The following MADD variants were observed in gnomAD, a reference collection of about 807,000 sequenced individuals.
MADD encodes MAP kinase activating death domain.
Under a neutral mutation model 176.7 loss-of-function variants are expected in MADD, and 109 were observed. That is an observed-to-expected ratio of 0.62 (90% confidence interval 0.53 to 0.72). MADD has a LOEUF of 0.72. Ranked by LOEUF, MADD falls within the 30% of genes least tolerant of loss-of-function variation. The pLI is 0.00. For missense variants in MADD, 1,914 were observed against 2,045.5 expected (o/e 0.94, Z 1.24); for synonymous variants, 771 against 771.3 (o/e 1.00, Z 0.01).
intron 1 of MADD, among the ~76,000 whole-genome samples, chr11:47,273,619 AG>A (rs1410135457): frequency 4.7e-5 from 6 of 127,316 alleles, no homozygotes; most frequent in Non-Finnish European, 1.1e-4. Context: ...TACAGGCGTG[AG>A]CCACCATGCC....
At position 47,284,168 on chromosome 11, in the gene MADD, C is replaced by T; in HGVS notation, c.1863-10C>T. 6.3e-7 allele frequency: 1 copy of T among 1,591,964 alleles called. No individual in the cohort carries two copies. Among genetic ancestry groups the T allele is most frequent in the South Asian group, 1.1e-5 (1 of 90,554 alleles). On this transcript the variant is annotated splice_polypyrimidine_tract_variant and intron_variant, in intron 10 of 32. Transcript: ENST00000402192. ...TGTTTTGTTTGTTTTTTATGCACTT[C>T]ACTCTGCAGTGGCAGTGATAGTATG...
At chr11:47,288,897 A>C (rs1283242644) in intron 15 of MADD, 71 bp from the exon 16 acceptor site, 6 of 1,084,178 alleles carry the variant, frequency 5.5e-6, no homozygotes, top group Non-Finnish European at 8.2e-6. Context: ...TATCTGGCTT[A>C]CTGCTCCTCG....
At chr11:47,329,286 T>G in exon 33 of MADD, 1 of 703,102 alleles carries the variant, frequency 1.4e-6, no homozygotes, top group Non-Finnish European at 2.5e-6. Context: ...TGTGGCTTGG[T>G]TGGTTACCGG....
rs1283468304 is a variant in MADD, at chr11:47,281,851, T to TTTTTTTTTTTA, written c.1469+107_1469+108insTATTTTTTTTT. On this transcript the variant is annotated intron_variant, in intron 8 of 32. Transcript: ENST00000402192. ...GACTATTTCTCTGAACCAGGGTTCC[T>TTTTTTTTTTTA]TTTTTTTTTGAGATAGATTCTCACT... is the stretch of plus-strand genomic sequence containing the variant. 6 of 555,704 alleles carry TTTTTTTTTTTA rather than the reference T, an allele frequency of 1.1e-5. No homozygotes were observed. The East Asian group carries it at 1.6e-4, about 15-fold the overall frequency. The allele number at this position is 555,704 out of a possible 1,614,324, so 34.4% of individuals were successfully genotyped here. A position where few individuals can be genotyped will look rare whatever the true frequency, so the allele number is the denominator to read the frequency against.
At chr11:47,286,096 G>C (rs1565352078) in intron 14 of MADD, among the ~76,000 whole-genome samples, 1 of 152,222 alleles carries the variant, frequency 6.6e-6, no homozygotes. Flanking sequence ...GTGATTGTGA[G>C]TTTCTTCAGC....
chr11:47,290,841 G>T, intron 19 of MADD, 25 bp downstream of exon 20: 1 of 1,566,310 alleles, frequency 6.4e-7, no homozygotes, highest in South Asian at 1.1e-5. Context: ...GTTTGGTGTG[G>T]TGGAGGGGTC....
At chr11:47,283,553 A>T (rs2058563510) in intron 10 of MADD, among the ~76,000 whole-genome samples, 1 of 151,730 alleles carries the variant, frequency 6.6e-6, no homozygotes, top group Non-Finnish European at 1.5e-5. Flanking sequence ...AGGTGCTGCC[A>T]CCTTGCCTGG....
chr11:47,328,272 C>G, intron 31 of MADD: 1 of 1,138,190 alleles, frequency 8.8e-7, no homozygotes, highest in South Asian at 2.5e-5. Context: ...CTAGAGAGAG[C>G]TCTCTCCTCC....
At position 47,276,215 on chromosome 11, in the gene MADD, C is replaced by T; in HGVS notation, c.963+13C>T. The T allele has an allele frequency of 1.3e-6, 2 of 1,583,322 alleles. No individual in the cohort carries two copies. The highest frequency in any genetic ancestry group is 1.7e-6 in the Non-Finnish European group (2 of 1,161,676). ...GTTAGAGCACAAGGTGAGAGGCAAG[C>T]TTCCTAGACCTTTCTAGGGGAGAAA... is the stretch of plus-strand genomic sequence containing the variant. On this transcript the variant is annotated intron_variant, in intron 4 of 32. Coordinates refer to ENST00000402192, the Ensembl canonical transcript of MADD.
intron 25 of MADD, among the ~76,000 whole-genome samples, chr11:47,310,869 T>A (rs1390420502): frequency 1.4e-5 from 2 of 148,050 alleles, no homozygotes; most frequent in African/African-American, 2.5e-5. Flanking sequence ...ATTCCACCAT[T>A]GTACTCCAGC....
intron 28 of MADD, 177 bp from the exon 32 acceptor site, chr11:47,324,088 A>G: frequency 3.1e-6 from 2 of 652,746 alleles, no homozygotes; most frequent in Non-Finnish European, 5.4e-6. Context: ...TACTATTCAT[A>G]TGCTCCGGAT....
At chr11:47,269,750 CGT>C (rs1217027530), upstream of MADD, 1 of 146,312 alleles carries the variant, frequency 6.8e-6, no homozygotes, top group Admixed American at 6.8e-5. Context: ...CGCCAAAGCG[CGT>C]GAGTGGGGGG....
chr11:47,310,137 C>T (rs914020022), intron 25 of MADD, among the ~76,000 whole-genome samples: 25 of 151,410 alleles, frequency 1.7e-4, no homozygotes, highest in Admixed American at 6.6e-4. Context: ...CCAGTGCGCC[C>T]GACCAAGAAC....
At chr11:47,287,426 GAGAC>G in intron 15 of MADD, among the ~76,000 whole-genome samples, 1 of 152,128 alleles carries the variant, frequency 6.6e-6, no homozygotes, top group South Asian at 2.1e-4. Context: ...TTTATTTTCT[GAGAC>G]AGTGTCACTC....
In MADD at chr11:47,282,957, C is replaced by G. The variant is rs1487099773; in HGVS notation, c.1850C>G (p.Pro617Arg). The G allele has an allele frequency of 1.9e-6, 3 of 1,613,668 alleles. No individual in the cohort carries two copies. Among genetic ancestry groups the G allele is most frequent in the Admixed American group, 1.7e-5 (1 of 60,026 alleles). Residue 617 changes from proline to arginine, a missense_variant, in exon 10 of 33, where the codon CCT (proline) becomes CGT (arginine). By Grantham distance (103) the Pro-to-Arg change is moderately radical (BLOSUM62 -2). Coordinates refer to ENST00000402192, the Ensembl canonical transcript of MADD. ...CCAGAGCGGGACTCTGACTCCGAAC[C>G]TACTGATGATAGGTGAGCATCCTTA...
At chr11:47,275,084 C>G in exon 3 of MADD, 1 of 1,614,254 alleles carries the variant, frequency 6.2e-7, no homozygotes, top group Non-Finnish European at 8.5e-7. Context: ...TGTTTGTATA[C>G]TCTCAAGCGC....
chr11:47,317,646 T>C (rs1308465400), intron 27 of MADD, among the ~76,000 whole-genome samples: 3 of 152,192 alleles, frequency 2.0e-5, no homozygotes, highest in Admixed American at 6.5e-5. Context: ...CATATGGTTG[T>C]CCCTCTCTTA....
intron 1 of MADD, chr11:47,270,663 A>G (rs1960808021): frequency 1.3e-5 from 2 of 152,114 alleles, no homozygotes; most frequent in African/African-American, 4.8e-5. Context: ...TTGGTTCTCA[A>G]GAAATTTTTT....
At chr11:47,270,425 C>T (rs1959557087) in intron 1 of MADD, among the ~76,000 whole-genome samples, 179 bp downstream of exon 1, 1 of 149,068 alleles carries the variant, frequency 6.7e-6, no homozygotes, top group African/African-American at 2.5e-5. Context: ...GGGATGGGGG[C>T]GCCCCGGGCA....
Sources: allele counts gnomAD v4.1 joint callset (sites outside exome capture counted in the v4.1 genomes callset), GRCh38; gene constraint gnomAD v4.1.1; transcripts MANE v1.5; gene names NCBI Gene and HGNC (gene_info 2026-07-23, HGNC 2026-07-21).